The following RNF144B variants were observed in gnomAD, a reference collection of about 807,000 sequenced individuals.
RNF144B encodes the protein E3 ubiquitin-protein ligase RNF144B.
RNF144B carries 25 observed loss-of-function variants against 40.2 expected under a neutral mutation model. The observed-to-expected ratio is 0.62, with a 90% CI of 0.45 to 0.87. RNF144B has a LOEUF of 0.87. RNF144B is among the 40% of genes least tolerant of loss of function. The pLI is 0.00. For missense variants in RNF144B, 365 were observed against 373.7 expected (o/e 0.98, Z 0.19); for synonymous variants, 145 against 136.3 (o/e 1.06, Z -0.44).
In RNF144B at chr6:18,387,614, C is replaced by G. The variant is rs763659273; in HGVS notation, c.-53C>G. 3 of 1,311,402 alleles carry G rather than the reference C, an allele frequency of 2.3e-6. No individual in the cohort carries two copies. The highest frequency in any genetic ancestry group is 1.2e-5 in the South Asian group (1 of 82,512). The allele number at this position is 1,311,402 out of a possible 1,614,324, so 81.2% of individuals were successfully genotyped here. ...ACTGAGAAGCCCGGCGACGGAGGAA[C>G]GCAGGTCTGCTGCCAGGTAGGTTTA... On this transcript the variant is annotated 5_prime_UTR_variant, in exon 1 of 8. Coordinates refer to ENST00000259939, the MANE Select transcript of RNF144B (RefSeq NM_182757.4).
rs1795062369 is a variant in RNF144B at position 18,412,246 on chromosome 6, A to G, written c.165+12547A>G. Reference sequence around the variant, plus strand: ...TAGGAACAGAGGCCTCTCTTTTGACACTCCGGGTATTTTCCAACTTTTCAC... The same window carrying G: ...TAGGAACAGAGGCCTCTCTTTTGACGCTCCGGGTATTTTCCAACTTTTCAC... On this transcript the variant is annotated intron_variant, in intron 2 of 7. Transcript: ENST00000259939. This position sits in a 1 kb window ranked among gnomAD's most constrained non-coding sequence, Gnocchi z 4.2. Among the ~76,000 whole-genome samples the G allele has an allele frequency of 6.6e-6, 1 of 152,024 alleles. No individual in the cohort carries two copies. Among genetic ancestry groups the G allele is most frequent in the African/African-American group, 2.4e-5 (1 of 41,354 alleles).
intron 3 of RNF144B, 135 bp from the exon 4 acceptor site, chr6:18,439,549 G>A: frequency 1.6e-6 from 1 of 644,410 alleles, no homozygotes; most frequent in Non-Finnish European, 2.8e-6. Context: ...CATGAACAGT[G>A]TGGAGAAAAA....
Position 18,464,759 on chromosome 6 carries a change from C to A in RNF144B, c.772-168C>A, listed in dbSNP as rs935717071. On this transcript the variant is annotated intron_variant, in intron 7 of 7. Transcript: ENST00000259939. This position sits in a 1 kb window ranked among gnomAD's most constrained non-coding sequence, Gnocchi z 6.1. ...CCTGCCCTCATAAACCAACTAACTT[C>A]TAAAGGCCTCGTCTCCAAATACCGT... 3.3e-5 allele frequency among the ~76,000 whole-genome samples: 5 copies of A among 152,212 alleles called. No homozygotes were observed. The highest frequency in any genetic ancestry group is 5.9e-5 in the Non-Finnish European group (4 of 68,040).
In RNF144B at chr6:18,406,619, G is replaced by C. The variant is rs1027644986; in HGVS notation, c.165+6920G>C. ...GTCTGAAGGCTTGAGAACTAAGAGA[G>C]CCAGTGGTATAAGTCCCAGTCCGAG... On this transcript the variant is annotated intron_variant, in intron 2 of 7. Transcript: ENST00000259939. This position sits in a 1 kb window ranked among gnomAD's most constrained non-coding sequence, Gnocchi z 4.2. Among the ~76,000 whole-genome samples, 6 of 151,936 alleles carry C rather than the reference G, an allele frequency of 3.9e-5. No individual in the cohort carries two copies. Among genetic ancestry groups the C allele is most frequent in the African/African-American group, 1.5e-4 (6 of 41,344 alleles).
chr6:18,443,011 G>C lies in RNF144B; in HGVS notation c.331+3267G>C, dbSNP rs972621479. Among the ~76,000 whole-genome samples, 3 of 152,104 alleles carry C rather than the reference G, an allele frequency of 2.0e-5. No homozygotes were observed. Among genetic ancestry groups the C allele is most frequent in the Admixed American group, 6.5e-5 (1 of 15,270 alleles). On this transcript the variant is annotated intron_variant, in intron 4 of 7. Transcript: ENST00000259939. This position sits in a 1 kb window ranked among gnomAD's most constrained non-coding sequence, Gnocchi z 4.7. ...CTGTGAACACTGGGGTATAATCTGA[G>C]TTTCTGCTTTCAGTATTTTTGGGTA...
rs890729988 is a variant in RNF144B at position 18,410,612 on chromosome 6, CATT to C, written c.165+10914_165+10916del. The stretch of plus-strand genomic sequence containing the variant: ...CAAACCGGAAGATGTTCCTGGGACA[CATT>C]GTTGGAAGTGTGGGTGTGCTCAGGC... On this transcript the variant is annotated intron_variant, in intron 2 of 7. Coordinates refer to ENST00000259939, the MANE Select transcript of RNF144B (RefSeq NM_182757.4). The surrounding 1 kb of genome is among the most constrained non-coding windows in gnomAD (Gnocchi z 4.6). 3.3e-5 allele frequency among the ~76,000 whole-genome samples: 5 copies of C among 151,990 alleles called. No homozygotes were observed. The highest frequency in any genetic ancestry group is 1.2e-4 in the African/African-American group (5 of 41,352).
rs1258972883 is a variant in RNF144B, at chr6:18,450,371, T to A, written c.332-6784T>A. Among the ~76,000 whole-genome samples, 3 of 151,920 alleles carry A rather than the reference T, an allele frequency of 2.0e-5. No individual in the cohort carries two copies. Among genetic ancestry groups the A allele is most frequent in the Non-Finnish European group, 4.4e-5 (3 of 67,950 alleles). On this transcript the variant is annotated intron_variant, in intron 4 of 7. Transcript: ENST00000259939. This position sits in a 1 kb window ranked among gnomAD's most constrained non-coding sequence, Gnocchi z 4.7. ...GGAGTGCAGTGGCAATATTTCAGCT[T>A]ACTGCGATCTCCGCCTCCCGGGTTC...
chr6:18,431,869 C>G (rs1298565105), intron 3 of RNF144B, among the ~76,000 whole-genome samples: 1 of 152,144 alleles, frequency 6.6e-6, no homozygotes, highest in Non-Finnish European at 1.5e-5. Flanking sequence ...TTGATTTTTC[C>G]AAATTGGCTC....
chr6:18,411,668 T>C (rs1185766972), intron 2 of RNF144B, among the ~76,000 whole-genome samples: 2 of 151,224 alleles, frequency 1.3e-5, no homozygotes, highest in Non-Finnish European at 2.9e-5. Flanking sequence ...CGCACCCAAC[T>C]AATTTTTGTA....
chr6:18,388,888 CTAAT>C (rs1196160708), intron 1 of RNF144B, among the ~76,000 whole-genome samples: 3 of 151,684 alleles, frequency 2.0e-5, no homozygotes, highest in Non-Finnish European at 2.9e-5. Flanking sequence ...TAGTCTCTGA[CTAAT>C]TAATTATCTT....
intron 3 of RNF144B, among the ~76,000 whole-genome samples, chr6:18,428,020 TC>T (rs1758603400): frequency 6.6e-6 from 1 of 152,092 alleles, no homozygotes; most frequent in African/African-American, 2.4e-5. Flanking sequence ...ATTGTAATAA[TC>T]CCCACGTGTC....
intron 1 of RNF144B, among the ~76,000 whole-genome samples, chr6:18,393,373 C>A (rs902752211): frequency 6.6e-6 from 1 of 152,146 alleles, no homozygotes; most frequent in African/African-American, 2.4e-5. Flanking sequence ...ACCATAAGCC[C>A]TTGCTTCCTT....
At chr6:18,437,301 T>C (rs1758846456) in intron 3 of RNF144B, among the ~76,000 whole-genome samples, 1 of 152,088 alleles carries the variant, frequency 6.6e-6, no homozygotes, top group South Asian at 2.1e-4. Context: ...TAGCCAGTTA[T>C]GATGGTGCAT....
At position 18,448,688 on chromosome 6, in the gene RNF144B, G is replaced by GCACACACACA. The variant is rs61128858; in HGVS notation, c.332-8447_332-8438dup. Among the ~76,000 whole-genome samples the GCACACACACA allele has an allele frequency of 0.014, 1,986 of 144,604 alleles. 25 individuals carry two copies. Among genetic ancestry groups the GCACACACACA allele is most frequent in the Middle Eastern group, 0.026 (7 of 272 alleles). The allele number at this position is 144,604 out of a possible 152,430, so 94.9% of individuals were successfully genotyped here. ...TCCATTTTATTTTGAAAGCCAGCAT[G>GCACACACACA]CACACACACACACACACACACACAC... On this transcript the variant is annotated intron_variant, in intron 4 of 7. Coordinates refer to ENST00000259939, the MANE Select transcript of RNF144B (RefSeq NM_182757.4). This position sits in a 1 kb window ranked among gnomAD's most constrained non-coding sequence, Gnocchi z 4.0.
Position 18,398,547 on chromosome 6 carries a change from T to C in RNF144B, c.-36-952T>C, listed in dbSNP as rs763819861. ...ACTGTGCCTGGCTAATTTTGTATTT[T>C]TGTATTTTTTGTAATTTTGTATTTT... On this transcript the variant is annotated intron_variant, in intron 1 of 7. Transcript: ENST00000259939. The surrounding 1 kb of genome is among the most constrained non-coding windows in gnomAD (Gnocchi z 5.0). Among the ~76,000 whole-genome samples, 4 of 152,108 alleles carry C rather than the reference T, an allele frequency of 2.6e-5. No individual in the cohort carries two copies. The highest frequency in any genetic ancestry group is 6.5e-5 in the Admixed American group (1 of 15,282).
chr6:18,405,792 T>C lies in RNF144B; in HGVS notation c.165+6093T>C, dbSNP rs972992022. Among the ~76,000 whole-genome samples, 2 of 152,208 alleles carry C rather than the reference T, an allele frequency of 1.3e-5. No individual in the cohort carries two copies. Among genetic ancestry groups the C allele is most frequent in the Non-Finnish European group, 2.9e-5 (2 of 68,038 alleles). ...CAAGGAGGAGCTGGCTTCCTGGACC[T>C]ATGATCTCATCCATGCCTAATGCTT... On this transcript the variant is annotated intron_variant, in intron 2 of 7. Coordinates refer to ENST00000259939, the MANE Select transcript of RNF144B (RefSeq NM_182757.4). This position sits in a 1 kb window ranked among gnomAD's most constrained non-coding sequence, Gnocchi z 4.5.
At chr6:18,420,119 A>ATC (rs1795227239) in intron 2 of RNF144B, among the ~76,000 whole-genome samples, 1 of 151,196 alleles carries the variant, frequency 6.6e-6, no homozygotes, top group African/African-American at 2.4e-5. Context: ...CTATCTCCTT[A>ATC]TCTGAAATGC....
At chr6:18,423,989 G>A (rs1246777308) in intron 2 of RNF144B, among the ~76,000 whole-genome samples, 2 of 152,124 alleles carry the variant, frequency 1.3e-5, no homozygotes, top group Non-Finnish European at 2.9e-5. Context: ...CTTTCAAAAT[G>A]TGACTAAATG....
At position 18,414,816 on chromosome 6, in the gene RNF144B, A is replaced by G. The variant is rs951226957; in HGVS notation, c.166-12765A>G. ...CTGTTTCTATTCTTGAAGGTGAAAAAGAACAAAAACTTTTAAAAAGATGGA... is the reference window on the plus strand; with the variant it reads ...CTGTTTCTATTCTTGAAGGTGAAAAGGAACAAAAACTTTTAAAAAGATGGA... On this transcript the variant is annotated intron_variant, in intron 2 of 7. Transcript: ENST00000259939. The surrounding 1 kb of genome is among the most constrained non-coding windows in gnomAD (Gnocchi z 4.9). 6.6e-6 allele frequency among the ~76,000 whole-genome samples: 1 copy of G among 152,200 alleles called. No homozygotes were observed. Among genetic ancestry groups the G allele is most frequent in the Admixed American group, 6.5e-5 (1 of 15,278 alleles).
Sources: allele counts gnomAD v4.1 joint callset (sites outside exome capture counted in the v4.1 genomes callset), GRCh38; gene constraint gnomAD v4.1.1; non-coding constraint Gnocchi (gnomAD v3.1); transcripts MANE v1.5; gene names NCBI Gene and HGNC (gene_info 2026-07-23, HGNC 2026-07-21).